NRG3: variants seen among roughly 807,000 people sequenced by gnomAD.
NRG3 encodes pro-neuregulin-3, membrane-bound isoform.
A neutral mutation model predicts 66.9 loss-of-function variants in NRG3; 31 were observed. The observed-to-expected ratio is 0.46, with a 90% CI of 0.35 to 0.63. NRG3 has a LOEUF of 0.63. Among genes scored for constraint, NRG3 ranks in the 20% least tolerant of loss-of-function variants. The pLI is 0.00. For missense variants in NRG3, 910 were observed against 878.9 expected, an observed-to-expected ratio of 1.04 and a Z score of -0.45; for synonymous variants, 393 against 359.4, an observed-to-expected ratio of 1.09 and a Z score of -1.06.
At chr10:82,486,418 G>T (rs997573941) in intron 2 of NRG3, among the ~76,000 whole-genome samples, 5 of 149,978 alleles carry the variant, frequency 3.3e-5, no homozygotes, top group African/African-American at 1.3e-4. Context: ...GCCTATAATG[G>T]ATTTTTTTTT....
chr10:82,944,950 A>T (rs1848878742), intron 4 of NRG3, among the ~76,000 whole-genome samples: 1 of 152,196 alleles, frequency 6.6e-6, no homozygotes, highest in African/African-American at 2.4e-5. Flanking sequence ...GATTTGTTTC[A>T]TCAGGCTTCC....
At chr10:82,416,880 T>G (rs564717246) in intron 2 of NRG3, among the ~76,000 whole-genome samples, 1 of 152,264 alleles carries the variant, frequency 6.6e-6, no homozygotes, top group African/African-American at 2.4e-5. Context: ...CTTAGATTTC[T>G]CATGTCTAGT....
At chr10:82,858,889 T>C (rs901775846) in intron 3 of NRG3, among the ~76,000 whole-genome samples, 2 of 151,650 alleles carry the variant, frequency 1.3e-5, no homozygotes, top group Admixed American at 6.6e-5. Context: ...TAGGAGGGAA[T>C]TGGGGGATTC....
At position 82,201,727 on chromosome 10, in the gene NRG3, A is replaced by G. The variant is rs551397079; in HGVS notation, c.824-157012A>G. On this transcript the variant is annotated intron_variant, in intron 1 of 8. Transcript: ENST00000372141. ...GTCAAGATACCTTTCAAAGGTAACT[A>G]TTAAGAAAGGGAAACCATGTAACAC... Among the ~76,000 whole-genome samples, 311 of 152,314 alleles carry G rather than the reference A, an allele frequency of 2.0e-3. 1 individual carries two copies. The highest frequency in any genetic ancestry group is 6.8e-3 in the Middle Eastern group (2 of 294).
intron 4 of NRG3, among the ~76,000 whole-genome samples, chr10:82,921,711 T>A (rs1846437744): frequency 6.6e-6 from 1 of 152,226 alleles, no homozygotes; most frequent in African/African-American, 2.4e-5. Flanking sequence ...TCCTGAATTT[T>A]ATAAGAAATA....
chr10:81,947,056 C>T (rs572831558), intron 1 of NRG3, among the ~76,000 whole-genome samples: 1 of 152,262 alleles, frequency 6.6e-6, no homozygotes, highest in Non-Finnish European at 1.5e-5. Context: ...TCAGCAGTGC[C>T]ATGCTGTCTC....
intron 1 of NRG3, among the ~76,000 whole-genome samples, chr10:82,289,258 G>T (rs765202981): frequency 6.7e-6 from 1 of 149,326 alleles, no homozygotes; most frequent in Non-Finnish European, 1.5e-5. Context: ...AAGAATCAGG[G>T]AATGAGGTGA....
At chr10:82,094,407 C>T (rs2132028487) in intron 1 of NRG3, among the ~76,000 whole-genome samples, 1 of 152,270 alleles carries the variant, frequency 6.6e-6, no homozygotes, top group Middle Eastern at 3.4e-3. Flanking sequence ...TGTAAATTAG[C>T]ACAATCTCTA....
intron 3 of NRG3, chr10:82,843,213 C>G (rs1300509180): frequency 2.2e-6 from 1 of 450,742 alleles, no homozygotes; most frequent in Non-Finnish European, 4.5e-6. Context: ...GGAAATTTGT[C>G]ATTATAACAG....
intron 1 of NRG3, among the ~76,000 whole-genome samples, chr10:81,944,777 G>A (rs1368458695): frequency 1.3e-5 from 2 of 152,076 alleles, no homozygotes; most frequent in African/African-American, 4.8e-5. Flanking sequence ...TGAGCTCTAA[G>A]TCACAGATGG....
chr10:82,198,461 C>A (rs2074568056), intron 1 of NRG3, among the ~76,000 whole-genome samples: 1 of 152,050 alleles, frequency 6.6e-6, no homozygotes, highest in Admixed American at 6.6e-5. Flanking sequence ...CTACCCGGTG[C>A]TGACTATTTG....
chr10:82,825,687 C>T (rs2062168925), intron 3 of NRG3, among the ~76,000 whole-genome samples: 1 of 152,158 alleles, frequency 6.6e-6, no homozygotes, highest in Non-Finnish European at 1.5e-5. Context: ...GGCAAATTGA[C>T]ATTCAAAACT....
rs150860546 is a variant in NRG3 at position 82,184,466 on chromosome 10, G to A, written c.824-174273G>A. ...AACACTGGCAATATCTGCCCTGATA[G>A]AGAAATGCTTTAAAGCTTTTGAAGG... On this transcript the variant is annotated intron_variant, in intron 1 of 8. Transcript: ENST00000372141. 4.9e-3 allele frequency among the ~76,000 whole-genome samples: 740 copies of A among 152,254 alleles called. 17 individuals carry two copies. The highest frequency in any genetic ancestry group is 0.038 in the Admixed American group (588 of 15,274).
intron 1 of NRG3, among the ~76,000 whole-genome samples, chr10:82,193,394 C>T (rs757408975): frequency 6.6e-6 from 1 of 152,152 alleles, no homozygotes; most frequent in African/African-American, 2.4e-5. Flanking sequence ...CCCCCTGCCT[C>T]GACCTCCCAA....
intron 1 of NRG3, among the ~76,000 whole-genome samples, chr10:82,056,545 TG>T (rs1478657896): frequency 6.6e-6 from 1 of 152,154 alleles, no homozygotes; most frequent in African/African-American, 2.4e-5. Context: ...TCGTCAAACT[TG>T]TTTAAATCTG....
intron 1 of NRG3, among the ~76,000 whole-genome samples, chr10:82,179,825 C>T (rs1343480899): frequency 6.6e-6 from 1 of 151,752 alleles, no homozygotes; most frequent in African/African-American, 2.4e-5. Context: ...TGCTTTGATA[C>T]CATAGACATT....
chr10:82,090,831 C>G (rs892642948), intron 1 of NRG3, among the ~76,000 whole-genome samples: 1 of 152,142 alleles, frequency 6.6e-6, no homozygotes, highest in African/African-American at 2.4e-5. Context: ...TAGAGTGTAT[C>G]TAAGGGCTTA....
intron 1 of NRG3, among the ~76,000 whole-genome samples, chr10:82,197,143 G>T (rs2074492627): frequency 6.6e-6 from 1 of 152,134 alleles, no homozygotes; most frequent in South Asian, 2.1e-4. Context: ...GCAACCAACT[G>T]GCCCTCACAG....
chr10:82,579,953 G>A (rs909662218), intron 2 of NRG3, among the ~76,000 whole-genome samples: 2 of 151,882 alleles, frequency 1.3e-5, no homozygotes, highest in African/African-American at 4.8e-5. Context: ...TGCAGTATCT[G>A]TGAGGGATTG....
Sources: allele counts gnomAD v4.1 joint callset (sites outside exome capture counted in the v4.1 genomes callset), GRCh38; gene constraint gnomAD v4.1.1; transcripts MANE v1.5; gene names NCBI Gene and HGNC (gene_info 2026-07-23, HGNC 2026-07-21).